Variants in LRRTM4 observed in about 807,000 individuals in gnomAD.
LRRTM4 encodes the protein leucine rich repeat transmembrane neuronal 4, also known as leucine-rich repeat transmembrane neuronal protein 4.
In LRRTM4, 25 loss-of-function variants were observed where a neutral mutation model predicts 47.6. The ratio of observed to expected loss-of-function variants is 0.53; its 90% CI spans 0.38 to 0.73. LRRTM4 has a LOEUF of 0.73. Among genes scored for constraint, LRRTM4 ranks in the 30% least tolerant of loss-of-function variants. The pLI, the probability that LRRTM4 is intolerant of heterozygous loss-of-function variation, is 0.00. For synonymous variants in LRRTM4, 311 were observed against 269.5 expected (o/e 1.15, Z -1.51); for missense variants, 638 against 713.4 (o/e 0.89, Z 1.20).
chr2:76,767,441 TA>T (rs988308044), intron 3 of LRRTM4, among the ~76,000 whole-genome samples: 1 of 152,144 alleles, frequency 6.6e-6, no homozygotes, highest in Non-Finnish European at 1.5e-5. Context: ...TAAAAAATGG[TA>T]AAATTGAGGC....
chr2:77,496,424 C>A (rs953124392), intron 3 of LRRTM4, among the ~76,000 whole-genome samples: 2 of 151,722 alleles, frequency 1.3e-5, no homozygotes, highest in African/African-American at 4.8e-5. Flanking sequence ...TGAAAACATT[C>A]TTTTGTCTTC....
intron 3 of LRRTM4, among the ~76,000 whole-genome samples, chr2:76,988,088 T>C (rs1465337986): frequency 6.6e-6 from 1 of 151,884 alleles, no homozygotes; most frequent in African/African-American, 2.4e-5. Context: ...GGGTTCTTTT[T>C]TCTTCTATCA....
At chr2:77,391,993 G>A (rs114384378) in intron 3 of LRRTM4, among the ~76,000 whole-genome samples, 3,128 of 152,086 alleles carry the variant, frequency 0.021, 49 homozygotes, top group East Asian at 0.039. Context: ...GACATATTTT[G>A]AAATGACACT....
At chr2:77,422,102 C>T (rs1367968032) in intron 3 of LRRTM4, among the ~76,000 whole-genome samples, 1 of 152,168 alleles carries the variant, frequency 6.6e-6, no homozygotes, top group African/African-American at 2.4e-5. Flanking sequence ...TTTACTTAAG[C>T]ATATACTTTA....
At chr2:76,820,165 C>T (rs1001982254) in intron 3 of LRRTM4, among the ~76,000 whole-genome samples, 1 of 151,900 alleles carries the variant, frequency 6.6e-6, no homozygotes, top group African/African-American at 2.4e-5. Context: ...TGTTATTTAT[C>T]ATTAAATGTA....
chr2:77,004,469 G>A (rs1677558612), intron 3 of LRRTM4, among the ~76,000 whole-genome samples: 1 of 152,280 alleles, frequency 6.6e-6, no homozygotes, highest in Middle Eastern at 3.4e-3. Context: ...AAGAATTGAG[G>A]TTTGTGAACC....
intron 3 of LRRTM4, among the ~76,000 whole-genome samples, chr2:77,191,132 G>C (rs1673658781): frequency 6.6e-6 from 1 of 152,002 alleles, no homozygotes; most frequent in South Asian, 2.1e-4. Context: ...ATGTAAGAGA[G>C]CAAAGTCTCA....
intron 3 of LRRTM4, among the ~76,000 whole-genome samples, chr2:77,074,684 G>A (rs1345530598): frequency 6.6e-6 from 1 of 152,074 alleles, no homozygotes; most frequent in East Asian, 1.9e-4. Flanking sequence ...CAGAGAGAAG[G>A]AGAACTATTT....
In LRRTM4 at chr2:77,078,172, C is replaced by T. The variant is rs72927325; in HGVS notation, c.1552-329256G>A. ...GTCATTAACTTAAATAAAAATACCTCCATAAGCCATCTGACATTTCATTGA... is the reference window on the plus strand; with the variant it reads ...GTCATTAACTTAAATAAAAATACCTTCATAAGCCATCTGACATTTCATTGA... On this transcript the variant is annotated intron_variant, in intron 3 of 3. Transcript: ENST00000409884. Among the ~76,000 whole-genome samples the T allele has an allele frequency of 3.9e-3, 601 of 152,278 alleles. 1 individual carries two copies. Among genetic ancestry groups the T allele is most frequent in the African/African-American group, 0.014 (582 of 41,564 alleles).
At chr2:77,194,282 T>G (rs972939854) in intron 3 of LRRTM4, among the ~76,000 whole-genome samples, 1 of 152,172 alleles carries the variant, frequency 6.6e-6, no homozygotes, top group African/African-American at 2.4e-5. Flanking sequence ...ACACCTATCT[T>G]CACAACTCTT....
intron 3 of LRRTM4, among the ~76,000 whole-genome samples, chr2:77,343,034 A>T (rs908415865): frequency 3.3e-5 from 5 of 152,010 alleles, no homozygotes; most frequent in Admixed American, 6.6e-5. Flanking sequence ...GCAGTAAGAC[A>T]GTTTGAAGTT....
intron 3 of LRRTM4, among the ~76,000 whole-genome samples, chr2:76,814,834 C>A (rs1670853761): frequency 1.3e-5 from 2 of 148,362 alleles, no homozygotes; most frequent in Non-Finnish European, 3.0e-5. Flanking sequence ...CACACACACA[C>A]AAAAGCATAC....
chr2:77,194,889 C>A (rs1437969749), intron 3 of LRRTM4, among the ~76,000 whole-genome samples: 1 of 149,980 alleles, frequency 6.7e-6, no homozygotes, highest in Admixed American at 6.7e-5. Context: ...CATCACAGCA[C>A]TAGATGCATT....
chr2:77,193,727 G>A (rs1416669167), intron 3 of LRRTM4, among the ~76,000 whole-genome samples: 1 of 152,150 alleles, frequency 6.6e-6, no homozygotes, highest in African/African-American at 2.4e-5. Flanking sequence ...CTTGAAGCCA[G>A]GAGGCGGGCA....
At chr2:77,096,652 T>C (rs1208202980) in intron 3 of LRRTM4, among the ~76,000 whole-genome samples, 2 of 151,454 alleles carry the variant, frequency 1.3e-5, no homozygotes, top group African/African-American at 4.8e-5. Flanking sequence ...TTTGAGAATA[T>C]AGAGAATAGA....
intron 3 of LRRTM4, among the ~76,000 whole-genome samples, chr2:77,119,887 G>A (rs1671481577): frequency 6.6e-6 from 1 of 151,804 alleles, no homozygotes; most frequent in Non-Finnish European, 1.5e-5. Context: ...GGTCTAGGAT[G>A]TATTGTATCT....
At chr2:77,411,072 T>G (rs1228100208) in intron 3 of LRRTM4, among the ~76,000 whole-genome samples, 3 of 152,146 alleles carry the variant, frequency 2.0e-5, no homozygotes, top group Non-Finnish European at 4.4e-5. Flanking sequence ...CTGTTAGCAT[T>G]ATAAAATGCT....
At chr2:77,296,546 C>T (rs1676979127) in intron 3 of LRRTM4, among the ~76,000 whole-genome samples, 1 of 152,142 alleles carries the variant, frequency 6.6e-6, no homozygotes, top group Non-Finnish European at 1.5e-5. Context: ...AAACAACACT[C>T]TTTTTCCTTA....
intron 3 of LRRTM4, among the ~76,000 whole-genome samples, chr2:77,257,352 TCA>T (rs1450015165): frequency 6.6e-6 from 1 of 151,766 alleles, no homozygotes; most frequent in Non-Finnish European, 1.5e-5. Flanking sequence ...TTCAAAAAGT[TCA>T]CAGAGTGCAA....
Sources: allele counts gnomAD v4.1 joint callset (sites outside exome capture counted in the v4.1 genomes callset), GRCh38; gene constraint gnomAD v4.1.1; transcripts MANE v1.5; gene names NCBI Gene and HGNC (gene_info 2026-07-23, HGNC 2026-07-21).